RNF220: variants seen among roughly 807,000 people sequenced by gnomAD.
The protein encoded by RNF220 is E3 ubiquitin-protein ligase RNF220.
A neutral mutation model predicts 67.1 loss-of-function variants in RNF220; 7 were observed. The ratio of observed to expected loss-of-function variants is 0.10; its 90% CI spans 0.06 to 0.20. The LOEUF (loss-of-function observed/expected upper bound fraction) is 0.20. RNF220 is among the 10% of genes least tolerant of loss of function. The probability of loss-of-function intolerance (pLI) is 1.00; values close to 1 mark genes in which losing one functional copy is unlikely to be tolerated. For missense variants in RNF220, 565 were observed against 740.3 expected, an observed-to-expected ratio of 0.76 and a Z score of 2.75; for synonymous variants, 270 against 283.2, an observed-to-expected ratio of 0.95 and a Z score of 0.47.
intron 2 of RNF220, among the ~76,000 whole-genome samples, chr1:44,415,835 C>A (rs1201455810): frequency 6.6e-6 from 1 of 152,154 alleles, no homozygotes; most frequent in Non-Finnish European, 1.5e-5. Context: ...CAGCCACCCC[C>A]TGCTCACACA....
intron 2 of RNF220, among the ~76,000 whole-genome samples, chr1:44,494,549 C>T (rs192665456): frequency 6.6e-6 from 1 of 151,316 alleles, no homozygotes; most frequent in Non-Finnish European, 1.5e-5. Context: ...AATGAGACAG[C>T]TGTTTAGATT....
chr1:44,640,384 T>G (rs527631766), intron 8 of RNF220, among the ~76,000 whole-genome samples: 1 of 152,330 alleles, frequency 6.6e-6, no homozygotes, highest in Admixed American at 6.5e-5. Flanking sequence ...CTACCATCTT[T>G]AGTTCTCTCT....
chr1:44,412,561 T>A lies in RNF220; in HGVS notation c.464T>A (p.Phe155Tyr). ...GACACAGAGTCTCCCCACTTGCGCT[T>A]CTCAGATGCAGATGGCAAGGAATAT... The part of the protein sequence containing the change: ...CHDTESPHLR[F>Y]SDADGKEYDF... The change falls in exon 2 of 15, where the codon TTC (phenylalanine) becomes TAC (tyrosine). Residue 155 changes from phenylalanine (F) to tyrosine (Y), a missense_variant. Phe to Tyr is a conservative substitution (Grantham distance 22). Transcript: ENST00000361799. This position sits in a 1 kb window ranked among gnomAD's most constrained non-coding sequence, Gnocchi z 5.3. 6.2e-7 allele frequency: 1 copy of A among 1,614,154 alleles called. No homozygotes were observed. The highest frequency in any genetic ancestry group is 8.5e-7 in the Non-Finnish European group (1 of 1,180,028).
intron 2 of RNF220, among the ~76,000 whole-genome samples, chr1:44,593,371 T>G (rs1666249925): frequency 6.6e-6 from 1 of 152,232 alleles, no homozygotes; most frequent in Non-Finnish European, 1.5e-5. Flanking sequence ...CAGGCAACTT[T>G]TACCTTTCCC....
intron 2 of RNF220, among the ~76,000 whole-genome samples, chr1:44,451,257 A>G (rs1211226627): frequency 6.6e-6 from 1 of 152,184 alleles, no homozygotes; most frequent in Non-Finnish European, 1.5e-5. Flanking sequence ...ATTCATTTAC[A>G]TAATGAGAAT....
In RNF220 at chr1:44,636,129, C is replaced by T. The variant is rs893539128; in HGVS notation, c.1093C>T (p.Arg365Trp). The change falls in exon 8 of 15, where the codon CGG (arginine) becomes TGG (tryptophan). Residue 365 changes from arginine (R) to tryptophan (W), a missense_variant. Physicochemically the swap from Arg to Trp is moderately radical, Grantham distance 101. Coordinates refer to ENST00000361799, the MANE Select transcript of RNF220 (RefSeq NM_018150.4). The part of the protein sequence containing the change: ...EYEWCGQKRI[R>W]ATTLLEGGFR... ...TGAGTGGTGTGGACAGAAGCGGATA[C>T]GGGCCACCACTCTCCTGGAAGGTGG... 2.5e-6 allele frequency: 4 copies of T among 1,610,774 alleles called. No individual in the cohort carries two copies. The highest frequency in any genetic ancestry group is 1.3e-5 in the African/African-American group (1 of 74,870).
intron 2 of RNF220, among the ~76,000 whole-genome samples, chr1:44,440,403 G>A (rs910042896): frequency 3.3e-5 from 5 of 152,196 alleles, no homozygotes; most frequent in Non-Finnish European, 7.3e-5. Context: ...AGAGGACATG[G>A]CAAAGAATGG....
At chr1:44,424,070 G>C (rs1408848534) in intron 2 of RNF220, 2 of 965,290 alleles carry the variant, frequency 2.1e-6, no homozygotes, top group South Asian at 4.8e-5. Context: ...CGTTGTGCTC[G>C]GTGCTGTTTG....
intron 2 of RNF220, among the ~76,000 whole-genome samples, chr1:44,548,409 A>G (rs1043764744): frequency 1.3e-5 from 2 of 151,938 alleles, no homozygotes; most frequent in Non-Finnish European, 2.9e-5. Flanking sequence ...TGCACACAAG[A>G]TTTCCTTTAC....
chr1:44,638,654 G>A (rs1240617944), intron 8 of RNF220, among the ~76,000 whole-genome samples: 2 of 152,194 alleles, frequency 1.3e-5, no homozygotes, highest in Admixed American at 1.3e-4. Context: ...GTGGGAAGCA[G>A]TGAACGGGCA....
In RNF220 at chr1:44,565,558, T is replaced by C. The variant is rs903709585; in HGVS notation, c.626-48607T>C. Among the ~76,000 whole-genome samples, 10 of 152,148 alleles carry C rather than the reference T, an allele frequency of 6.6e-5. No homozygotes were observed. The highest frequency in any genetic ancestry group is 1.3e-4 in the Non-Finnish European group (9 of 68,010). ...GCCCCCAGCCTAACACAATTACCCC[T>C]TCCTTCTCCCTCAGCCCAGGCAAGG... On this transcript the variant is annotated intron_variant, in intron 2 of 14. Coordinates refer to ENST00000361799, the MANE Select transcript of RNF220 (RefSeq NM_018150.4). The surrounding 1 kb of genome is among the most constrained non-coding windows in gnomAD (Gnocchi z 4.2).
chr1:44,493,525 TAAATAAAATAA>T (rs755569945), intron 2 of RNF220, among the ~76,000 whole-genome samples: 1 of 135,964 alleles, frequency 7.4e-6, no homozygotes, highest in Non-Finnish European at 1.6e-5. Flanking sequence ...AAAAAATAAA[TAAATAAAATAA>T]ATAAATAAAT....
At chr1:44,632,502 TC>T in intron 6 of RNF220, 117 bp downstream of exon 6, 9 of 1,024,230 alleles carry the variant, frequency 8.8e-6, no homozygotes, top group African/African-American at 1.6e-5. Flanking sequence ...GTTGGCTTCT[TC>T]GCAGTCACGG....
At chr1:44,626,477 C>T in intron 5 of RNF220, 79 bp downstream of exon 5, 1 of 1,104,920 alleles carries the variant, frequency 9.1e-7, no homozygotes, top group Non-Finnish European at 1.4e-6. Flanking sequence ...GTGCTAACTC[C>T]TCCTCTCCTC....
At chr1:44,625,540 G>A (rs931323397) in intron 4 of RNF220, among the ~76,000 whole-genome samples, 1 of 152,132 alleles carries the variant, frequency 6.6e-6, no homozygotes, top group Non-Finnish European at 1.5e-5. Flanking sequence ...GTGTGCTTCC[G>A]GCTCAGAGCT....
intron 3 of RNF220, 94 bp downstream of exon 3, chr1:44,614,391 GC>G: frequency 7.0e-7 from 1 of 1,421,016 alleles, no homozygotes. Flanking sequence ...CCATACCCCA[GC>G]CCCTCGGGAA....
At chr1:44,469,879 G>A (rs1340616448) in intron 2 of RNF220, among the ~76,000 whole-genome samples, 1 of 152,194 alleles carries the variant, frequency 6.6e-6, no homozygotes, top group Non-Finnish European at 1.5e-5. Flanking sequence ...ACTGAAAATA[G>A]TATGAAAGTA....
chr1:44,480,494 C>G (rs1384941549), intron 2 of RNF220, among the ~76,000 whole-genome samples: 1 of 152,034 alleles, frequency 6.6e-6, no homozygotes, highest in Non-Finnish European at 1.5e-5. Flanking sequence ...GGCACAGACC[C>G]AAGCCCTGGA....
chr1:44,536,859 T>C (rs1306374653), intron 2 of RNF220, among the ~76,000 whole-genome samples: 1 of 152,172 alleles, frequency 6.6e-6, no homozygotes, highest in African/African-American at 2.4e-5. Context: ...ATAATACTAA[T>C]GAGCAGTTAT....
Sources: allele counts gnomAD v4.1 joint callset (sites outside exome capture counted in the v4.1 genomes callset), GRCh38; gene constraint gnomAD v4.1.1; non-coding constraint Gnocchi (gnomAD v3.1); transcripts MANE v1.5; gene names NCBI Gene and HGNC (gene_info 2026-07-23, HGNC 2026-07-21).